FGFR1: variants seen among roughly 807,000 people sequenced by gnomAD.
The protein encoded by FGFR1 is fibroblast growth factor receptor 1.
FGFR1 carries 18 observed loss-of-function variants against 93.7 expected under a neutral mutation model. The observed-to-expected ratio is 0.19, with a 90% CI of 0.13 to 0.28. The LOEUF is 0.28. Ranked by LOEUF, FGFR1 falls within the 10% of genes least tolerant of loss-of-function variation. FGFR1 has a pLI of 1.00. For synonymous variants in FGFR1, 448 were observed against 429.3 expected (o/e 1.04, Z -0.54); for missense variants, 731 against 1,080.4 (o/e 0.68, Z 4.53).
In FGFR1 at chr8:38,429,609, T is replaced by C. The variant is rs565932684; in HGVS notation, c.358+73A>G. 1 of 1,493,054 alleles carries C rather than the reference T, an allele frequency of 6.7e-7. No individual in the cohort carries two copies. The highest frequency in any genetic ancestry group is 2.0e-5 in the Admixed American group (1 of 49,986). 92.5% of individuals were successfully genotyped at this position (1,493,054 alleles called of 1,614,324 possible). ...TCACGGAGGGGGAGGAGGTTCACCT[T>C]CCTCTGAAACTGGCAGAGAGGGCTG... On this transcript the variant is annotated intron_variant, in intron 3 of 17. Coordinates refer to ENST00000447712, the MANE Select transcript of FGFR1 (RefSeq NM_023110.3). The surrounding 1 kb of genome is among the most constrained non-coding windows in gnomAD (Gnocchi z 4.4).
In FGFR1 at chr8:38,412,286, G is replaced by A. The variant is rs765565625; in HGVS notation, c.*1342C>T. ...GCTGGTCTCAAACTCCTGACCTGAAGTGATCTGCCCACCTCGGTGTCCCAA... is the reference window on the plus strand; with the variant it reads ...GCTGGTCTCAAACTCCTGACCTGAAATGATCTGCCCACCTCGGTGTCCCAA... On this transcript the variant is annotated 3_prime_UTR_variant, in exon 18 of 18. Coordinates refer to ENST00000447712, the MANE Select transcript of FGFR1 (RefSeq NM_023110.3). The A allele has an allele frequency of 9.0e-6, 2 of 223,406 alleles. No individual in the cohort carries two copies. Among genetic ancestry groups the A allele is most frequent in the Non-Finnish European group, 1.8e-5 (2 of 111,942 alleles). The allele number at this position is 223,406 out of a possible 1,614,324, so 13.8% of individuals were successfully genotyped here. A position where few individuals can be genotyped will look rare whatever the true frequency, so the allele number is the denominator to read the frequency against.
intron 3 of FGFR1, chr8:38,428,830 G>T (rs1230648177): frequency 1.3e-5 from 4 of 319,730 alleles, no homozygotes; most frequent in Non-Finnish European, 1.8e-5. Context: ...GACACACTGT[G>T]GCTAGATGCT....
intron 2 of FGFR1, among the ~76,000 whole-genome samples, chr8:38,432,617 G>A (rs1823586805): frequency 6.6e-6 from 1 of 152,048 alleles, no homozygotes; most frequent in African/African-American, 2.4e-5. Flanking sequence ...ATGTTGGTCA[G>A]GCTGGTCTAA....
chr8:38,444,972 G>T (rs1377913702), intron 2 of FGFR1, among the ~76,000 whole-genome samples: 1 of 152,146 alleles, frequency 6.6e-6, no homozygotes, highest in African/African-American at 2.4e-5. Context: ...AAATCACTCA[G>T]ATGACAGCTG....
Position 38,429,575 on chromosome 8 carries a change from G to T in FGFR1, c.358+107C>A. On this transcript the variant is annotated intron_variant, in intron 3 of 17. Transcript: ENST00000447712. The surrounding 1 kb of genome is among the most constrained non-coding windows in gnomAD (Gnocchi z 4.4). ...TGGGCAGCAGTTTCTGAAGCAGAGT[G>T]GGGGCAGATCACGGAGGGGGAGGAG... is the stretch of plus-strand genomic sequence containing the variant. 4.1e-6 allele frequency: 5 copies of T among 1,209,482 alleles called. No individual in the cohort carries two copies. Among genetic ancestry groups the T allele is most frequent in the Middle Eastern group, 2.1e-4 (1 of 4,730 alleles). The allele number at this position is 1,209,482 out of a possible 1,614,324, so 74.9% of individuals were successfully genotyped here. A position where few individuals can be genotyped will look rare whatever the true frequency, so the allele number is the denominator to read the frequency against.
chr8:38,440,257 A>G (rs748460847), intron 2 of FGFR1: 30 of 1,539,652 alleles, frequency 1.9e-5, no homozygotes, highest in African/African-American at 1.2e-4. Context: ...CCCTCTGCAG[A>G]GGTTTTTTTA....
At position 38,457,545 on chromosome 8, in the gene FGFR1, GA is replaced by G. The variant is rs766035429; in HGVS notation, c.-88-12del. 7.6e-6 allele frequency: 12 copies of G among 1,569,312 alleles called. No homozygotes were observed. The East Asian group carries it at 1.2e-4, about 15-fold the overall frequency. ...CTTTTCAAACTGACCCTGAGGAAAG[GA>G]AAAAAACCCCAAAAGTTAGGAGGGT... is the stretch of plus-strand genomic sequence containing the variant. On this transcript the variant is annotated splice_polypyrimidine_tract_variant and intron_variant, in intron 1 of 17. Coordinates refer to ENST00000447712, the MANE Select transcript of FGFR1 (RefSeq NM_023110.3).
intron 1 of FGFR1, among the ~76,000 whole-genome samples, chr8:38,461,791 TCTCTA>T (rs1834463638): frequency 6.6e-6 from 1 of 152,208 alleles, no homozygotes; most frequent in African/African-American, 2.4e-5. Context: ...CATTCTCTCC[TCTCTA>T]AAGTACCAAC....
In FGFR1 at chr8:38,413,714, C is replaced by T. The variant is rs781328162; in HGVS notation, c.2383G>A (p.Val795Ile). 17 of 1,613,840 alleles carry T rather than the reference C, an allele frequency of 1.1e-5. No homozygotes were observed. The highest frequency in any genetic ancestry group is 3.3e-5 in the Admixed American group (2 of 59,982). Reference sequence around the variant, plus strand: ...TCGGGCAGCGGCTCATGAGAGAAGACGGAATCCTCCCCTGAGGAGCACGTA... The same window carrying T: ...TCGGGCAGCGGCTCATGAGAGAAGATGGAATCCTCCCCTGAGGAGCACGTA... ...SSTCSSGEDS[V>I]FSHEPLPEEP... Residue 795 changes from valine to isoleucine, a missense_variant, in exon 18 of 18, where the codon GTC becomes ATC. Transcript: ENST00000447712. This position sits in a 1 kb window ranked among gnomAD's most constrained non-coding sequence, Gnocchi z 4.2.
intron 2 of FGFR1, among the ~76,000 whole-genome samples, chr8:38,442,641 T>C (rs1827911366): frequency 1.3e-5 from 2 of 152,048 alleles, no homozygotes; most frequent in South Asian, 2.1e-4. Flanking sequence ...AGGAAAAGAA[T>C]GTATCGCCCT....
At chr8:38,417,155 C>T in intron 12 of FGFR1, 151 bp downstream of exon 12, 1 of 707,348 alleles carries the variant, frequency 1.4e-6, no homozygotes, top group Non-Finnish European at 2.6e-6. Flanking sequence ...GAGCGGAGCC[C>T]AGATCCCGAG....
At chr8:38,460,087 G>A (rs911050489) in intron 1 of FGFR1, among the ~76,000 whole-genome samples, 3 of 152,160 alleles carry the variant, frequency 2.0e-5, no homozygotes, top group Admixed American at 6.5e-5. Context: ...GGAGGCTAAC[G>A]CATGAGAATT....
At chr8:38,448,427 G>A (rs1005631084) in intron 2 of FGFR1, among the ~76,000 whole-genome samples, 1 of 152,104 alleles carries the variant, frequency 6.6e-6, no homozygotes, top group African/African-American at 2.4e-5. Flanking sequence ...TTATAGGTGC[G>A]TGCCACCACA....
At chr8:38,466,902 CCCCA>C (rs879626948) in intron 1 of FGFR1, among the ~76,000 whole-genome samples, 6,356 of 138,836 alleles carry the variant, frequency 0.046, 172 homozygotes, top group South Asian at 0.11. Context: ...CCCACCCCCC[CCCCA>C]CCACCACCAA....
In FGFR1 at chr8:38,415,848, G is replaced by C. The variant is rs1231545970; in HGVS notation, c.1854+22C>G. 3.1e-6 allele frequency: 5 copies of C among 1,611,864 alleles called. No homozygotes were observed. In the South Asian group the frequency reaches 5.5e-5, roughly 18 times the overall value. On this transcript the variant is annotated intron_variant, in intron 13 of 17. Coordinates refer to ENST00000447712, the MANE Select transcript of FGFR1 (RefSeq NM_023110.3). ...TCTGTTCCCACCCTGGCATTACCCA[G>C]GGGAGCCTTCAGGTTCCACACCTTC...
At chr8:38,467,941 G>T (rs1457713038) in intron 1 of FGFR1, 40 bp downstream of exon 1, 1 of 216,244 alleles carries the variant, frequency 4.6e-6, no homozygotes, top group Non-Finnish European at 9.3e-6. Context: ...CGCTCGGGAC[G>T]CCAAGCCCGC....
At chr8:38,451,621 G>T (rs1274357932) in intron 2 of FGFR1, among the ~76,000 whole-genome samples, 1 of 152,128 alleles carries the variant, frequency 6.6e-6, no homozygotes, top group Non-Finnish European at 1.5e-5. Context: ...GAAATGTGTG[G>T]TTTTTCCATT....
chr8:38,431,900 C>T (rs1239757787), intron 2 of FGFR1, among the ~76,000 whole-genome samples: 1 of 152,086 alleles, frequency 6.6e-6, no homozygotes, highest in Non-Finnish European at 1.5e-5. Context: ...TGTGGTTTTG[C>T]CAAACGAAGG....
intron 1 of FGFR1, chr8:38,467,732 G>T (rs990541953): frequency 2.2e-5 from 5 of 232,258 alleles, no homozygotes; most frequent in Non-Finnish European, 1.7e-5. Context: ...GTTGGGCGGC[G>T]GGAAGAGCGG....
Sources: allele counts gnomAD v4.1 joint callset (sites outside exome capture counted in the v4.1 genomes callset), GRCh38; gene constraint gnomAD v4.1.1; non-coding constraint Gnocchi (gnomAD v3.1); transcripts MANE v1.5; gene names NCBI Gene and HGNC (gene_info 2026-07-23, HGNC 2026-07-21).